NRG1: variants seen among roughly 807,000 people sequenced by gnomAD.
NRG1 encodes neuregulin 1, also known as pro-neuregulin-1, membrane-bound isoform.
In NRG1, 18 loss-of-function variants were observed where a neutral mutation model predicts 63.8. That is an observed-to-expected ratio of 0.28 (90% CI 0.19 to 0.42). The LOEUF (loss-of-function observed/expected upper bound fraction) is 0.42, where lower values mean the gene tolerates loss of function less well. Ranked by LOEUF, NRG1 falls within the 10% of genes least tolerant of loss-of-function variation. The pLI, the probability that NRG1 is intolerant of heterozygous loss-of-function variation, is 1.00. For missense variants in NRG1, 762 were observed against 814.7 expected (o/e 0.94, Z 0.79); for synonymous variants, 302 against 301.3 (o/e 1.00, Z -0.02).
intron 1 of NRG1, among the ~76,000 whole-genome samples, chr8:31,994,696 C>T (rs1217382035): frequency 1.4e-5 from 2 of 138,674 alleles, no homozygotes; most frequent in Non-Finnish European, 3.1e-5. Context: ...AATAGCTTAC[C>T]TATGAAGAAG....
intron 1 of NRG1, among the ~76,000 whole-genome samples, chr8:32,456,192 A>G (rs767269475): frequency 2.0e-5 from 3 of 152,206 alleles, no homozygotes; most frequent in Non-Finnish European, 4.4e-5. Context: ...GCACAACCGA[A>G]TTTTCATTTT....
At chr8:32,716,780 A>G (rs1394290465) in intron 5 of NRG1, among the ~76,000 whole-genome samples, 1 of 148,782 alleles carries the variant, frequency 6.7e-6, no homozygotes, top group Non-Finnish European at 1.5e-5. Context: ...CAACTGCATG[A>G]TGTGTGTGCG....
At chr8:31,903,563 C>G (rs891948201) in intron 1 of NRG1, among the ~76,000 whole-genome samples, 2 of 152,092 alleles carry the variant, frequency 1.3e-5, no homozygotes, top group African/African-American at 4.8e-5. Context: ...AGCATAGCAC[C>G]TCTAAGTTAT....
chr8:32,735,449 T>G (rs751149263), intron 6 of NRG1, among the ~76,000 whole-genome samples: 8 of 152,272 alleles, frequency 5.3e-5, no homozygotes, highest in Non-Finnish European at 7.4e-5. Flanking sequence ...TTTTGAAATA[T>G]TTATATTGAA....
At chr8:31,768,351 G>A (rs766720064) in intron 1 of NRG1, among the ~76,000 whole-genome samples, 1 of 152,156 alleles carries the variant, frequency 6.6e-6, no homozygotes, top group Non-Finnish European at 1.5e-5. Flanking sequence ...CACAACAGTT[G>A]AGAATAATCT....
chr8:32,021,982 G>A (rs1375948122), intron 1 of NRG1, among the ~76,000 whole-genome samples: 1 of 152,062 alleles, frequency 6.6e-6, no homozygotes, highest in Non-Finnish European at 1.5e-5. Context: ...AGGCAGAAGT[G>A]GTTGGTGTTT....
At chr8:32,368,547 A>G (rs1348507133) in intron 1 of NRG1, among the ~76,000 whole-genome samples, 1 of 152,206 alleles carries the variant, frequency 6.6e-6, no homozygotes, top group Non-Finnish European at 1.5e-5. Flanking sequence ...GTAAGTCCTC[A>G]TCTTTAAAAA....
intron 1 of NRG1, among the ~76,000 whole-genome samples, chr8:31,788,480 G>A (rs963989012): frequency 6.6e-6 from 1 of 152,064 alleles, no homozygotes; most frequent in Non-Finnish European, 1.5e-5. Flanking sequence ...ATGAAGGATG[G>A]CAGCTCTTAG....
intron 1 of NRG1, among the ~76,000 whole-genome samples, chr8:32,096,771 G>A (rs1052949780): frequency 6.6e-6 from 1 of 152,056 alleles, no homozygotes; most frequent in Non-Finnish European, 1.5e-5. Context: ...CCACTCCCTG[G>A]GTAAGGCATT....
chr8:32,244,039 T>C (rs1241773402), intron 1 of NRG1, among the ~76,000 whole-genome samples: 1 of 152,180 alleles, frequency 6.6e-6, no homozygotes, highest in East Asian at 1.9e-4. Flanking sequence ...AGACAGGCAA[T>C]ATATGACATG....
chr8:32,222,983 A>G lies in NRG1; in HGVS notation c.38-372845A>G, dbSNP rs144769073. ...GTATTCAATCAATCAAAGAGAGACA[A>G]TGGCATTCTCTCAAAGATCAGATGT... On this transcript the variant is annotated intron_variant, in intron 1 of 10. Transcript: ENST00000519301. Among the ~76,000 whole-genome samples the G allele has an allele frequency of 5.6e-4, 86 of 152,334 alleles. No individual in the cohort carries two copies. The East Asian group carries it at 0.013, about 23-fold the overall frequency.
At chr8:31,776,911 G>A (rs1351340312) in intron 1 of NRG1, among the ~76,000 whole-genome samples, 7 of 152,204 alleles carry the variant, frequency 4.6e-5, no homozygotes, top group African/African-American at 1.7e-4. Flanking sequence ...GTTCTGGAGA[G>A]GATGTGGAGA....
chr8:32,671,864 A>G (rs935016813), intron 5 of NRG1, among the ~76,000 whole-genome samples: 8 of 152,212 alleles, frequency 5.3e-5, no homozygotes, highest in Non-Finnish European at 1.0e-4. Context: ...TTAGAAAATC[A>G]TTATATCCAC....
chr8:32,226,549 C>A (rs7817549), intron 1 of NRG1, among the ~76,000 whole-genome samples: 1 of 151,946 alleles, frequency 6.6e-6, no homozygotes, highest in East Asian at 1.9e-4. Context: ...ATTCTGGTTC[C>A]AGTCCTTTTT....
rs184464547 is a variant in NRG1 at position 31,732,725 on chromosome 8, T to C, written c.37+93294T>C. Among the ~76,000 whole-genome samples, 122 of 152,124 alleles carry C rather than the reference T, an allele frequency of 8.0e-4. 1 individual carries two copies. Among genetic ancestry groups the C allele is most frequent in the Non-Finnish European group, 2.6e-4 (18 of 67,982 alleles). On this transcript the variant is annotated intron_variant, in intron 1 of 10. Coordinates refer to the NRG1 transcript ENST00000519301. ...GGCTGGTCAACATGGTGAAACTCCA[T>C]CTCTACTAAAAATACAAAAATTAGC...
intron 1 of NRG1, among the ~76,000 whole-genome samples, chr8:32,076,484 T>A (rs1826573904): frequency 6.6e-6 from 1 of 152,212 alleles, no homozygotes; most frequent in Non-Finnish European, 1.5e-5. Context: ...GTGTTTGTAT[T>A]CATTTGTTGT....
rs1564084034 is a variant in NRG1, at chr8:32,742,199, A to G, written c.633-476A>G. 4 of 785,710 alleles carry G rather than the reference A, an allele frequency of 5.1e-6. No homozygotes were observed. The highest frequency in any genetic ancestry group is 8.6e-6 in the Non-Finnish European group (4 of 465,032). 48.7% of individuals were successfully genotyped at this position (785,710 alleles called of 1,614,324 possible). On this transcript the variant is annotated intron_variant, in intron 6 of 11. Coordinates refer to ENST00000356819, the Ensembl canonical transcript of NRG1. This position sits in a 1 kb window ranked among gnomAD's most constrained non-coding sequence, Gnocchi z 4.2. Reference sequence around the variant, plus strand: ...GTTCTAATTATGGCTTAACCTCTCAAGGCATAAACCCATTCAGTGTTACCT... The same window carrying G: ...GTTCTAATTATGGCTTAACCTCTCAGGGCATAAACCCATTCAGTGTTACCT...
chr8:32,693,926 A>G (rs1053540794), intron 5 of NRG1, among the ~76,000 whole-genome samples: 2 of 152,200 alleles, frequency 1.3e-5, no homozygotes, highest in Non-Finnish European at 2.9e-5. Context: ...GAAGCACAGC[A>G]TTTTCCTCTT....
chr8:32,204,962 T>C (rs539559609), intron 1 of NRG1, among the ~76,000 whole-genome samples: 3 of 152,200 alleles, frequency 2.0e-5, no homozygotes, highest in African/African-American at 7.2e-5. Context: ...CGAAAACAAA[T>C]ATAAAACAAT....
Sources: gnomAD v4.1 joint callset for allele counts (sites outside exome capture counted in the v4.1 genomes callset) on GRCh38, gnomAD v4.1.1 for gene constraint, Gnocchi (gnomAD v3.1) non-coding constraint, MANE v1.5 for transcripts, NCBI Gene and HGNC (gene_info 2026-07-23, HGNC 2026-07-21) for gene names.